The following PKD1L1 variants were observed in gnomAD, a reference collection of about 807,000 sequenced individuals.
PKD1L1 encodes polycystin-1-like protein 1.
Under a neutral mutation model 323.4 loss-of-function variants are expected in PKD1L1, and 236 were observed. The ratio of observed to expected loss-of-function variants is 0.73; its 90% CI spans 0.66 to 0.81. The LOEUF is 0.81. Ranked by LOEUF, PKD1L1 falls within the 40% of genes least tolerant of loss-of-function variation. PKD1L1 has a pLI of 0.00. For synonymous variants in PKD1L1, 1,344 were observed against 1,335.0 expected (o/e 1.01, Z -0.15); for missense variants, 3,320 against 3,508.0 (o/e 0.95, Z 1.35).
intron 13 of PKD1L1, among the ~76,000 whole-genome samples, chr7:47,900,415 G>C (rs1363218516): frequency 6.6e-6 from 1 of 152,224 alleles, no homozygotes; most frequent in African/African-American, 2.4e-5. Flanking sequence ...TGTACAGACA[G>C]TGTAATTGCC....
intron 1 of PKD1L1, among the ~76,000 whole-genome samples, chr7:47,944,581 C>A (rs1788059772): frequency 6.6e-6 from 1 of 152,236 alleles, no homozygotes; most frequent in Admixed American, 6.5e-5. Context: ...AAGCCGATGC[C>A]AATTCTATGG....
In PKD1L1 at chr7:47,829,487, A is replaced by C; in HGVS notation, c.6673T>G (p.Trp2225Gly). Residue 2225 changes from tryptophan to glycine, a missense_variant, in exon 44 of 57, where the codon TGG (tryptophan) becomes GGG (glycine). Coordinates refer to ENST00000289672, the MANE Select transcript of PKD1L1 (RefSeq NM_138295.5). ...CTTGAAGAGAAGGGGAGGCGAGTCC[A>C]GGAACGTTCTGCCAATTCAGAGTCC... ...DLDSELAERS[W>G]TRLPFSSSCS... The C allele has an allele frequency of 1.2e-6, 2 of 1,614,212 alleles. No homozygotes were observed. Among genetic ancestry groups the C allele is most frequent in the East Asian group, 4.5e-5 (2 of 44,880 alleles).
rs763504220 is a variant in PKD1L1, at chr7:47,800,653, C to T, written c.8189G>A (p.Gly2730Glu). The change falls in exon 54 of 57, where the codon GGA (glycine) becomes GAA (glutamate). Residue 2730 changes from glycine to glutamate, a missense_variant. Coordinates refer to ENST00000289672, the MANE Select transcript of PKD1L1 (RefSeq NM_138295.5). ...LLIVSATLCF[G>E]MLRGFLMTLP... Reference sequence around the variant, plus strand: ...GTTGGGGATGTGTTTACTTACCATTCCAAAACACAGTGTGGCAGAGACTAT... The same window carrying T: ...GTTGGGGATGTGTTTACTTACCATTTCAAAACACAGTGTGGCAGAGACTAT... 1.1e-5 allele frequency: 17 copies of T among 1,613,622 alleles called. No individual in the cohort carries two copies. Among genetic ancestry groups the T allele is most frequent in the South Asian group, 8.8e-5 (8 of 91,070 alleles).
At position 47,785,417 on chromosome 7, in the gene PKD1L1, T is replaced by C. The variant is rs148756207; in HGVS notation, c.8526+7210A>G. ...GCCTGGCACAAAAATACTTGAGGAA[T>C]GCATGAAACGTGAAAGTGTTAATAG... On this transcript the variant is annotated intron_variant, in intron 56 of 56. Coordinates refer to ENST00000289672, the MANE Select transcript of PKD1L1 (RefSeq NM_138295.5). Among the ~76,000 whole-genome samples the C allele has an allele frequency of 3.8e-3, 577 of 152,330 alleles. 7 individuals carry two copies. Among genetic ancestry groups the C allele is most frequent in the Non-Finnish European group, 2.7e-3 (183 of 68,024 alleles).
chr7:47,831,074 GGAGGGAGAAAT>G lies in PKD1L1; in HGVS notation c.6473+132_6473+142del, dbSNP rs1785339709. On this transcript the variant is annotated intron_variant, in intron 42 of 56. Coordinates refer to ENST00000289672, the MANE Select transcript of PKD1L1 (RefSeq NM_138295.5). ...AGGATTTTATTTACCCCAGGAGATG[GGAGGGAGAAAT>G]GAGGGAGAAAATAGCAATAGTGACA... is the stretch of plus-strand genomic sequence containing the variant. 3 of 1,170,094 alleles carry G rather than the reference GGAGGGAGAAAT, an allele frequency of 2.6e-6. No homozygotes were observed. In the South Asian group the frequency reaches 4.8e-5, roughly 19 times the overall value. The allele number at this position is 1,170,094 out of a possible 1,614,324, so 72.5% of individuals were successfully genotyped here.
At chr7:47,825,035 C>A (rs1273247010) in intron 45 of PKD1L1, among the ~76,000 whole-genome samples, 1 of 152,150 alleles carries the variant, frequency 6.6e-6, no homozygotes, top group Non-Finnish European at 1.5e-5. Flanking sequence ...AGTGGCTGTA[C>A]CATTTTGCAT....
intron 4 of PKD1L1, 121 bp from the exon 5 acceptor site, chr7:47,932,177 G>A: frequency 7.0e-6 from 10 of 1,427,056 alleles, no homozygotes; most frequent in Non-Finnish European, 9.4e-6. Context: ...CCCTTGCTGT[G>A]ATTGCAGGCT....
At chr7:47,788,502 C>T (rs984631386) in intron 56 of PKD1L1, among the ~76,000 whole-genome samples, 13 of 150,136 alleles carry the variant, frequency 8.7e-5, no homozygotes, top group African/African-American at 3.2e-4. Context: ...AAGTGATCCA[C>T]CTGCCTTGGC....
rs537146932 is a variant in PKD1L1 at position 47,857,902 on chromosome 7, G to C, written c.4363-70C>G. The C allele has an allele frequency of 7.7e-6, 11 of 1,427,424 alleles. No homozygotes were observed. The Admixed American group carries it at 2.1e-4, about 27-fold the overall frequency. 88.4% of individuals were successfully genotyped at this position (1,427,424 alleles called of 1,614,324 possible). ...CACAAACTGTCTTGAATCCAGACTA[G>C]GAGAGAGGGGAAAAGTAGTTAAAAA... On this transcript the variant is annotated intron_variant, in intron 27 of 56. Coordinates refer to ENST00000289672, the MANE Select transcript of PKD1L1 (RefSeq NM_138295.5).
intron 7 of PKD1L1, among the ~76,000 whole-genome samples, chr7:47,924,348 T>C (rs1403168069): frequency 6.6e-6 from 1 of 152,172 alleles, no homozygotes; most frequent in Non-Finnish European, 1.5e-5. Flanking sequence ...TTGGCAGGGA[T>C]GTGAGGGGGT....
chr7:47,866,443 T>A lies in PKD1L1; in HGVS notation c.4068A>T (p.Val1356=), dbSNP rs774772164. 6 of 1,613,608 alleles carry A rather than the reference T, an allele frequency of 3.7e-6. No homozygotes were observed. Among genetic ancestry groups the A allele is most frequent in the South Asian group, 1.1e-5 (1 of 90,916 alleles). ...SRIQDALISS[V]CRLAFVDQEE... is the part of the protein sequence containing the mutation. ...CCTGATCTACAAAAGCCAATCTGCA[T>A]ACTGAAGAAATTAATGCATCCTGTA... is the stretch of plus-strand genomic sequence containing the variant. Residue 1356 remains valine, a synonymous_variant, in exon 25 of 57, where the codon GTA becomes GTT. Transcript: ENST00000289672.
Position 47,909,541 on chromosome 7 carries a change from G to A in PKD1L1, c.1229-1291C>T, listed in dbSNP as rs1188389361. On this transcript the variant is annotated intron_variant, in intron 8 of 56. Coordinates refer to ENST00000289672, the MANE Select transcript of PKD1L1 (RefSeq NM_138295.5). ...TTCACCTGGCATCTGACTACAGAAC[G>A]TGGGCCAGGTTTCCCTCTCAGACTC... is the stretch of plus-strand genomic sequence containing the variant. Among the ~76,000 whole-genome samples, 4 of 152,168 alleles carry A rather than the reference G, an allele frequency of 2.6e-5. No individual in the cohort carries two copies. In the East Asian group the frequency reaches 7.7e-4, roughly 29 times the overall value.
intron 9 of PKD1L1, 98 bp downstream of exon 9, chr7:47,907,979 T>A: frequency 9.2e-6 from 11 of 1,191,142 alleles, no homozygotes; most frequent in Non-Finnish European, 1.3e-5. Context: ...GTATCAAATT[T>A]AGAACTGCTA....
Position 47,790,532 on chromosome 7 carries a change from T to C in PKD1L1, c.8526+2095A>G, listed in dbSNP as rs569875489. On this transcript the variant is annotated intron_variant, in intron 56 of 56. Coordinates refer to ENST00000289672, the MANE Select transcript of PKD1L1 (RefSeq NM_138295.5). The stretch of plus-strand genomic sequence containing the variant: ...ATTTTTAGTAGAGACAGGGTTTCAC[T>C]GTGTTAGCCAGGATGGTCTTGATCT... Among the ~76,000 whole-genome samples the C allele has an allele frequency of 4.0e-5, 6 of 151,742 alleles. No individual in the cohort carries two copies. In the East Asian group the frequency reaches 7.8e-4, roughly 20 times the overall value.
chr7:47,944,187 G>A lies in PKD1L1; in HGVS notation c.45-676C>T, dbSNP rs1313436657. Among the ~76,000 whole-genome samples the A allele has an allele frequency of 3.3e-5, 5 of 152,110 alleles. No homozygotes were observed. In the East Asian group the frequency reaches 5.8e-4, roughly 18 times the overall value. ...GCCTGGTGGGAGGTGTTTGGATCAC[G>A]GGGGCAGATCTCTCATGGCTTGGTG... On this transcript the variant is annotated intron_variant, in intron 1 of 56. Coordinates refer to ENST00000289672, the MANE Select transcript of PKD1L1 (RefSeq NM_138295.5).
At chr7:47,783,231 A>G (rs1786734990) in intron 56 of PKD1L1, among the ~76,000 whole-genome samples, 2 of 152,218 alleles carry the variant, frequency 1.3e-5, no homozygotes, top group Non-Finnish European at 2.9e-5. Flanking sequence ...TCTTTTCCAC[A>G]GTCAAATACT....
intron 24 of PKD1L1, among the ~76,000 whole-genome samples, chr7:47,871,379 G>C (rs1786277577): frequency 6.6e-6 from 1 of 152,190 alleles, no homozygotes; most frequent in African/African-American, 2.4e-5. Flanking sequence ...GTCTGGTGAG[G>C]CTGCTCTCTG....
chr7:47,890,549 C>A lies in PKD1L1; in HGVS notation c.2668G>T (p.Ala890Ser). The A allele has an allele frequency of 6.2e-7, 1 of 1,614,004 alleles. No homozygotes were observed. Among genetic ancestry groups the A allele is most frequent in the African/African-American group, 1.3e-5 (1 of 75,022 alleles). Reference sequence around the variant, plus strand: ...GAATACAGGGTCAGGTACCTGAACGCCGAGTCAGGGTAGGGGGACAGGAAC... The same window carrying A: ...GAATACAGGGTCAGGTACCTGAACGACGAGTCAGGGTAGGGGGACAGGAAC... ...RVFLSPYPDS[A>S]FRFVHISWVS... The change falls in exon 16 of 57, where the codon GCG becomes TCG. Residue 890 changes from alanine to serine, a missense_variant. By Grantham distance (99) the Ala-to-Ser change is moderately conservative. Transcript: ENST00000289672.
chr7:47,862,661 G>A (rs1233293572), intron 26 of PKD1L1, among the ~76,000 whole-genome samples: 1 of 152,210 alleles, frequency 6.6e-6, no homozygotes, highest in African/African-American at 2.4e-5. Flanking sequence ...CTAGGACAAT[G>A]TCTCTAAGAA....
Sources: allele counts gnomAD v4.1 joint callset (sites outside exome capture counted in the v4.1 genomes callset), GRCh38; gene constraint gnomAD v4.1.1; transcripts MANE v1.5; gene names NCBI Gene and HGNC (gene_info 2026-07-23, HGNC 2026-07-21).